CD38: variants seen among roughly 807,000 people sequenced by gnomAD.
CD38 encodes CD38 molecule, also known as ADP-ribosyl cyclase/cyclic ADP-ribose hydrolase 1.
CD38 carries 31 observed loss-of-function variants against 36.3 expected under a neutral mutation model. That is an observed-to-expected ratio of 0.85 (90% CI 0.64 to 1.15). The LOEUF (loss-of-function observed/expected upper bound fraction) is 1.15. Among genes scored for constraint, CD38 ranks in the 50% most tolerant of loss-of-function variants. CD38 has a pLI of 0.00. For synonymous variants in CD38, 131 were observed against 135.2 expected (o/e 0.97, Z 0.22); for missense variants, 380 against 371.9 (o/e 1.02, Z -0.18).
At position 15,788,963 on chromosome 4, in the gene CD38, C is replaced by T. The variant is rs892735845; in HGVS notation, c.233+10316C>T. On this transcript the variant is annotated intron_variant, in intron 1 of 7. Transcript: ENST00000226279. ...TTTGCATACTTAACAGAAAAGATCTCCAAGTTACCATCTAACTTCATAAGG... is the reference window on the plus strand; with the variant it reads ...TTTGCATACTTAACAGAAAAGATCTTCAAGTTACCATCTAACTTCATAAGG... Among the ~76,000 whole-genome samples, 11 of 152,170 alleles carry T rather than the reference C, an allele frequency of 7.2e-5. No homozygotes were observed. In the East Asian group the frequency reaches 1.7e-3, roughly 24 times the overall value.
chr4:15,789,082 G>A (rs1422406938), intron 1 of CD38, among the ~76,000 whole-genome samples: 2 of 152,162 alleles, frequency 1.3e-5, no homozygotes, highest in East Asian at 3.8e-4. Context: ...TGGTAAACCT[G>A]GCAAACAGTA....
intron 2 of CD38, among the ~76,000 whole-genome samples, chr4:15,821,367 C>CA (rs2148923510): frequency 6.7e-6 from 1 of 149,074 alleles, no homozygotes; most frequent in East Asian, 2.0e-4. Flanking sequence ...GATAGAGACA[C>CA]AAAAATCCCT....
At chr4:15,786,713 C>T (rs894582688) in intron 1 of CD38, among the ~76,000 whole-genome samples, 30 of 152,264 alleles carry the variant, frequency 2.0e-4, no homozygotes, top group Non-Finnish European at 1.5e-5. Context: ...AGCTGCCTGC[C>T]AGTCACCTGC....
At chr4:15,798,879 T>G (rs1190872247) in intron 1 of CD38, among the ~76,000 whole-genome samples, 1 of 152,206 alleles carries the variant, frequency 6.6e-6, no homozygotes, top group Non-Finnish European at 1.5e-5. Flanking sequence ...ATTTCTGTCT[T>G]TTGCTTGTTC....
intron 1 of CD38, among the ~76,000 whole-genome samples, chr4:15,816,101 C>A (rs2148922131): frequency 6.6e-6 from 1 of 152,172 alleles, no homozygotes; most frequent in East Asian, 1.9e-4. Flanking sequence ...GCCTTGCATC[C>A]CAGAGATGAA....
At chr4:15,800,715 C>T (rs1251156184) in intron 1 of CD38, among the ~76,000 whole-genome samples, 1 of 151,954 alleles carries the variant, frequency 6.6e-6, no homozygotes, top group Non-Finnish European at 1.5e-5. Flanking sequence ...AATAAAAAAA[C>T]TTACTGAAAA....
intron 1 of CD38, among the ~76,000 whole-genome samples, chr4:15,810,219 T>C (rs972429260): frequency 3.3e-5 from 5 of 152,192 alleles, no homozygotes; most frequent in African/African-American, 1.2e-4. Context: ...GTAGGATATA[T>C]ATACCCAAGA....
At chr4:15,798,869 AT>A (rs1723156217) in intron 1 of CD38, among the ~76,000 whole-genome samples, 1 of 152,030 alleles carries the variant, frequency 6.6e-6, no homozygotes, top group South Asian at 2.1e-4. Context: ...TGAAAAGCCT[AT>A]TTCTGTCTTT....
At chr4:15,797,594 C>T (rs2148917697) in intron 1 of CD38, among the ~76,000 whole-genome samples, 1 of 152,214 alleles carries the variant, frequency 6.6e-6, no homozygotes, top group South Asian at 2.1e-4. Flanking sequence ...CGGGTGGCTT[C>T]AACAATAGCA....
At chr4:15,834,752 C>A (rs901339791) in intron 4 of CD38, among the ~76,000 whole-genome samples, 1 of 152,136 alleles carries the variant, frequency 6.6e-6, no homozygotes, top group African/African-American at 2.4e-5. Context: ...CCATTTAACA[C>A]ATAACGTGAA....
At chr4:15,817,743 A>G (rs1723631902) in intron 2 of CD38, among the ~76,000 whole-genome samples, 2 of 152,134 alleles carry the variant, frequency 1.3e-5, no homozygotes, top group African/African-American at 2.4e-5. Context: ...AGTATCCTTC[A>G]CTGACTCCCA....
At chr4:15,784,853 T>A (rs187475334) in intron 1 of CD38, among the ~76,000 whole-genome samples, 1 of 152,150 alleles carries the variant, frequency 6.6e-6, no homozygotes, top group African/African-American at 2.4e-5. Context: ...GTCAGGGGAT[T>A]GAGACCATCC....
chr4:15,816,028 A>AT (rs1266590857), intron 1 of CD38, among the ~76,000 whole-genome samples: 3 of 151,998 alleles, frequency 2.0e-5, no homozygotes, highest in South Asian at 2.1e-4. Context: ...TAATCATGTG[A>AT]TTTTTTTCAT....
chr4:15,785,977 GC>G (rs1722812764), intron 1 of CD38, among the ~76,000 whole-genome samples: 1 of 152,168 alleles, frequency 6.6e-6, no homozygotes, highest in Non-Finnish European at 1.5e-5. Context: ...GAGTGTTACA[GC>G]TCTTAAGGCA....
intron 1 of CD38, among the ~76,000 whole-genome samples, chr4:15,791,423 A>C (rs1722984964): frequency 3.6e-4 from 2 of 5,486 alleles, no homozygotes; most frequent in East Asian, 7.6e-3. Flanking sequence ...GTCCGCCCGT[A>C]CTGGGAAGTG....
At chr4:15,812,055 T>C (rs1026142296) in intron 1 of CD38, among the ~76,000 whole-genome samples, 1 of 152,194 alleles carries the variant, frequency 6.6e-6, no homozygotes, top group African/African-American at 2.4e-5. Flanking sequence ...CTTTTCTGCA[T>C]TGCTTCGGCT....
rs189308151 is a variant in CD38 at position 15,785,012 on chromosome 4, C to T, written c.233+6365C>T. ...CGGAGGTTGCAATGAGCTGAGCTCA[C>T]GCCACTACACTCCAGCCTGGGTGAC... On this transcript the variant is annotated intron_variant, in intron 1 of 7. Coordinates refer to ENST00000226279, the MANE Select transcript of CD38 (RefSeq NM_001775.4). Among the ~76,000 whole-genome samples, 794 of 151,584 alleles carry T rather than the reference C, an allele frequency of 5.2e-3. 5 individuals are homozygous for T. The highest frequency in any genetic ancestry group is 8.1e-3 in the Non-Finnish European group (551 of 67,932).
At chr4:15,790,440 G>T (rs1442108567) in intron 1 of CD38, among the ~76,000 whole-genome samples, 2 of 152,022 alleles carry the variant, frequency 1.3e-5, no homozygotes, top group Non-Finnish European at 2.9e-5. Flanking sequence ...GGCCTCCCGA[G>T]GTGCCGGGAT....
rs772299456 is a variant in CD38 at position 15,816,464 on chromosome 4, T to A, written c.234-47T>A. On this transcript the variant is annotated intron_variant, in intron 1 of 7. Coordinates refer to ENST00000226279, the MANE Select transcript of CD38 (RefSeq NM_001775.4). Reference sequence around the variant, plus strand: ...AAAAATAATTATGCTCCAAAAATATTTTTAAAATCAAATAATTTATGTTTT... The same window carrying A: ...AAAAATAATTATGCTCCAAAAATATATTTAAAATCAAATAATTTATGTTTT... 1.8e-5 allele frequency: 27 copies of A among 1,485,264 alleles called. 1 individual carries two copies. The highest frequency in any genetic ancestry group is 4.0e-5 in the Admixed American group (2 of 49,612). The allele number at this position is 1,485,264 out of a possible 1,614,324, so 92.0% of individuals were successfully genotyped here.
Sources: allele counts gnomAD v4.1 joint callset (sites outside exome capture counted in the v4.1 genomes callset), GRCh38; gene constraint gnomAD v4.1.1; transcripts MANE v1.5; gene names NCBI Gene and HGNC (gene_info 2026-07-23, HGNC 2026-07-21).